The following RPS13 variants were observed in gnomAD, a reference collection of about 807,000 sequenced individuals.
RPS13 encodes the protein ribosomal protein S13.
RPS13 carries 1 observed loss-of-function variant against 24.6 expected under a neutral mutation model. The ratio of observed to expected loss-of-function variants is 0.04; its 90% CI spans 0.01 to 0.19. RPS13 has a LOEUF of 0.19. RPS13 is among the 10% of genes least tolerant of loss of function. RPS13 has a pLI of 1.00. For missense variants in RPS13, 88 were observed against 187.4 expected (o/e 0.47, Z 3.10); for synonymous variants, 69 against 65.3 (o/e 1.06, Z -0.27).
At chr11:17,075,313 G>C (rs901748017) in intron 4 of RPS13, 116 bp from the exon 5 acceptor site, 2 of 987,674 alleles carry the variant, frequency 2.0e-6, no homozygotes, top group Admixed American at 2.7e-5. Flanking sequence ...AATCTCTTTG[G>C]ATAGAATTTG....
intron 3 of RPS13, 92 bp from the exon 4 acceptor site, chr11:17,075,715 T>C (rs940483945): frequency 3.1e-5 from 30 of 971,678 alleles, no homozygotes; most frequent in African/African-American, 9.7e-5. Flanking sequence ...CATAGTTTCC[T>C]ATCTGTAAGA....
At chr11:17,076,414 G>T (rs2137238220) in intron 3 of RPS13, 1 of 294,890 alleles carries the variant, frequency 3.4e-6, no homozygotes, top group Admixed American at 4.6e-5. Flanking sequence ...AAATTAGCTG[G>T]GCCTGCTGGC....
chr11:17,077,572 T>TCCCCCCCC, intron 1 of RPS13, 47 bp downstream of exon 1: 1 of 1,592,334 alleles, frequency 6.3e-7, no homozygotes, highest in Non-Finnish European at 8.6e-7. Context: ...CTCCCTGTCT[T>TCCCCCCCC]CCTCCCACCC....
intron 3 of RPS13, chr11:17,076,788 GA>G: frequency 3.0e-6 from 1 of 331,158 alleles, no homozygotes; most frequent in Non-Finnish European, 5.8e-6. Flanking sequence ...AACATTTGCT[GA>G]ATGAAGCCAC....
At chr11:17,075,345 TGGTTTGTG>T in intron 4 of RPS13, 101 bp downstream of exon 4, 1 of 1,038,276 alleles carries the variant, frequency 9.6e-7, no homozygotes, top group Non-Finnish European at 1.4e-6. Context: ...AGCACTACAC[TGGTTTGTG>T]TACTAAGCCT....
At chr11:17,077,572 T>TGGGGGGGGGGGGGGGGGGGGG in intron 1 of RPS13, 47 bp downstream of exon 1, 3 of 1,592,328 alleles carry the variant, frequency 1.9e-6, no homozygotes, top group Non-Finnish European at 2.6e-6. Context: ...CTCCCTGTCT[T>TGGGGGGGGGGGGGGGGGGGGG]CCTCCCACCC....
At chr11:17,075,799 GGT>G (rs1848017055) in intron 3 of RPS13, 176 bp from the exon 4 acceptor site, 1 of 694,262 alleles carries the variant, frequency 1.4e-6, no homozygotes. Flanking sequence ...ATCCAAGGAA[GGT>G]TTACCCAACA....
intron 5 of RPS13, chr11:17,074,795 GA>G (rs1848001125): frequency 1.5e-6 from 1 of 660,080 alleles, no homozygotes; most frequent in African/African-American, 1.8e-5. Context: ...GGTATGAAAG[GA>G]AAATCTACCT....
At position 17,076,847 on chromosome 11, in the gene RPS13, A is replaced by G; in HGVS notation, c.151+321T>C. 1.8e-5 allele frequency: 8 copies of G among 441,152 alleles called. No homozygotes were observed. In the East Asian group the frequency reaches 2.8e-4, roughly 16 times the overall value. The allele number at this position is 441,152 out of a possible 1,614,324, so 27.3% of individuals were successfully genotyped here. A position where few individuals can be genotyped will look rare whatever the true frequency, so the allele number is the denominator to read the frequency against. ...GAGATTCAAACCACACCTAACTGTG[A>G]GGAACTGTGTCAGGCACTCTGCTTA... On this transcript the variant is annotated intron_variant, in intron 3 of 5. Coordinates refer to ENST00000525634, the MANE Select transcript of RPS13 (RefSeq NM_001017.3).
At chr11:17,076,091 C>G (rs1027509269) in intron 3 of RPS13, 3 of 271,572 alleles carry the variant, frequency 1.1e-5, no homozygotes, top group Admixed American at 4.8e-5. Context: ...CCCCCCTCCC[C>G]CTTTTAAGAG....
In RPS13 at chr11:17,074,424, C is replaced by G; in HGVS notation, c.*9G>C. ...ACAATCATTTTATTGCTTGAGTACA[C>G]AGACAAATTTATGCGACCAGGGCAG... On this transcript the variant is annotated 3_prime_UTR_variant, in exon 6 of 6. Transcript: ENST00000525634. 1 of 1,605,622 alleles carries G rather than the reference C, an allele frequency of 6.2e-7. No homozygotes were observed. Among genetic ancestry groups the G allele is most frequent in the East Asian group, 2.2e-5 (1 of 44,832 alleles).
Position 17,075,084 on chromosome 11 carries a change from A to G in RPS13, c.422+13T>C. ...CTATTCTTGATAACAACGACAAAAG[A>G]GTTGATACTTACTATTTCCAATTGG... On this transcript the variant is annotated intron_variant, in intron 5 of 5. Transcript: ENST00000525634. The G allele has an allele frequency of 6.4e-7, 1 of 1,551,914 alleles. No homozygotes were observed. The highest frequency in any genetic ancestry group is 8.8e-7 in the Non-Finnish European group (1 of 1,133,232).
chr11:17,076,970 A>G, intron 3 of RPS13, 198 bp downstream of exon 3: 1 of 575,774 alleles, frequency 1.7e-6, no homozygotes, highest in Non-Finnish European at 3.1e-6. Flanking sequence ...AACTGGGGTG[A>G]AAGCCATGAA....
At chr11:17,076,243 C>T (rs368032521) in intron 3 of RPS13, among the ~76,000 whole-genome samples, 2 of 152,032 alleles carry the variant, frequency 1.3e-5, no homozygotes, top group African/African-American at 4.8e-5. Context: ...AAAAATTAGC[C>T]GGGCGTGGTG....
At chr11:17,076,554 CAAAAA>C (rs35594006) in intron 3 of RPS13, 167 of 340,236 alleles carry the variant, frequency 4.9e-4, no homozygotes, top group East Asian at 1.7e-3. Context: ...AAGACTGTCT[CAAAAA>C]AAAAAAAAAA....
chr11:17,075,058 CCTATT>C (rs1848005854), intron 5 of RPS13, 34 bp downstream of exon 5: 1 of 1,377,148 alleles, frequency 7.3e-7, no homozygotes, highest in South Asian at 1.2e-5. Context: ...CTGGCTGACT[CCTATT>C]CTTGATAACA....
chr11:17,076,017 A>ATTTTC (rs1848020514), intron 3 of RPS13: 1 of 317,510 alleles, frequency 3.1e-6, no homozygotes, highest in African/African-American at 2.2e-5. Context: ...TCTATGACAT[A>ATTTTC]TTTTCTTTTG....
At chr11:17,077,028 G>A in intron 3 of RPS13, 140 bp downstream of exon 3, 1 of 675,250 alleles carries the variant, frequency 1.5e-6, no homozygotes. Context: ...ATCAGTACAT[G>A]TGAAGTGCTT....
At chr11:17,076,154 G>C (rs558810243) in intron 3 of RPS13, 1 of 225,342 alleles carries the variant, frequency 4.4e-6, no homozygotes, top group South Asian at 4.8e-5. Flanking sequence ...TTGGGAGGCC[G>C]AGGCAGTGGA....
Sources: gnomAD v4.1 joint callset for allele counts (sites outside exome capture counted in the v4.1 genomes callset) on GRCh38, gnomAD v4.1.1 for gene constraint, MANE v1.5 for transcripts, NCBI Gene and HGNC (gene_info 2026-07-23, HGNC 2026-07-21) for gene names.